The following FREM2 variants were observed in gnomAD, a reference collection of about 807,000 sequenced individuals.
FREM2 encodes FRAS1 related extracellular matrix 2.
FREM2 carries 119 observed loss-of-function variants against 219.9 expected under a neutral mutation model. The observed-to-expected ratio is 0.54, with a 90% CI of 0.47 to 0.63. The LOEUF (loss-of-function observed/expected upper bound fraction) is 0.63, where lower values mean the gene tolerates loss of function less well. Ranked by LOEUF, FREM2 falls within the 30% of genes least tolerant of loss-of-function variation. The probability of loss-of-function intolerance (pLI) is 0.00; values close to 1 mark genes in which losing one functional copy is unlikely to be tolerated. For missense variants in FREM2, 4,030 were observed against 3,993.6 expected (o/e 1.01, Z -0.25); for synonymous variants, 1,562 against 1,522.8 (o/e 1.03, Z -0.60).
intron 2 of FREM2, among the ~76,000 whole-genome samples, chr13:38,737,095 G>T (rs1024672564): frequency 2.0e-5 from 3 of 152,130 alleles, no homozygotes; most frequent in Admixed American, 6.5e-5. Flanking sequence ...AGAATCCTGT[G>T]AGTGTATCAT....
At position 38,696,175 on chromosome 13, in the gene FREM2, C is replaced by T. The variant is rs553902699; in HGVS notation, c.5174-1523C>T. Among the ~76,000 whole-genome samples the T allele has an allele frequency of 3.2e-3, 480 of 152,204 alleles. 2 individuals carry two copies. The highest frequency in any genetic ancestry group is 6.0e-3 in the Non-Finnish European group (405 of 68,010). On this transcript the variant is annotated intron_variant, in intron 1 of 23. Transcript: ENST00000280481. Reference sequence around the variant, plus strand: ...AATGAAGTGCTAAGGGAGAATCAAGCGACTTAGGCATGTTTTACCTCCAAA... The same window carrying T: ...AATGAAGTGCTAAGGGAGAATCAAGTGACTTAGGCATGTTTTACCTCCAAA...
intron 2 of FREM2, among the ~76,000 whole-genome samples, chr13:38,732,554 C>A (rs1200573531): frequency 6.6e-6 from 1 of 152,124 alleles, no homozygotes; most frequent in Non-Finnish European, 1.5e-5. Flanking sequence ...CAAGATGTAG[C>A]CCCTATGAAA....
intron 2 of FREM2, among the ~76,000 whole-genome samples, chr13:38,729,073 G>C (rs1477394479): frequency 6.6e-6 from 1 of 152,198 alleles, no homozygotes; most frequent in African/African-American, 2.4e-5. Flanking sequence ...GACCTCAGGT[G>C]ATCCGCCCAC....
At chr13:38,833,448 G>T (rs1876587802) in intron 6 of FREM2, among the ~76,000 whole-genome samples, 1 of 151,726 alleles carries the variant, frequency 6.6e-6, no homozygotes, top group Non-Finnish European at 1.5e-5. Context: ...TGCCCTTTTG[G>T]TGGCAACCCT....
chr13:38,690,027 ATAAAACAGGGCCGAGTTTCC>A lies in FREM2; in HGVS notation c.2686_2705del (p.Lys896CysfsTer3). 1 of 1,614,012 alleles carries A rather than the reference ATAAAACAGGGCCGAGTTTCC, an allele frequency of 6.2e-7. No individual in the cohort carries two copies. Among genetic ancestry groups the A allele is most frequent in the Non-Finnish European group, 8.5e-7 (1 of 1,180,032 alleles). On this transcript the variant is annotated frameshift_variant, in exon 1 of 24. Coordinates refer to ENST00000280481, the MANE Select transcript of FREM2 (RefSeq NM_207361.6). LOFTEE classifies it high-confidence loss of function. ...AGGGGGTCTCTTCCACTTGGAGGAC[ATAAAACAGGGCCGAGTTTCC>A]TATGCCCATAATGGGGACAAGTCCC...
At chr13:38,849,465 G>T (rs557158411) in intron 8 of FREM2, among the ~76,000 whole-genome samples, 1 of 152,244 alleles carries the variant, frequency 6.6e-6, no homozygotes, top group African/African-American at 2.4e-5. Context: ...CAAAAATGCT[G>T]TTCTGGGACA....
At chr13:38,829,641 T>C (rs889240769) in intron 6 of FREM2, among the ~76,000 whole-genome samples, 1 of 151,280 alleles carries the variant, frequency 6.6e-6, no homozygotes, top group African/African-American at 2.4e-5. Context: ...GTATTTATTA[T>C]ATCCTTTTTT....
chr13:38,885,446 A>G lies in FREM2; in HGVS notation c.*4659A>G, dbSNP rs1054753612. The G allele has an allele frequency of 6.6e-6, 1 of 152,274 alleles. No individual in the cohort carries two copies. Among genetic ancestry groups the G allele is most frequent in the African/African-American group, 2.4e-5 (1 of 41,570 alleles). The allele number at this position is 152,274 out of a possible 1,614,324, so 9.4% of individuals were successfully genotyped here. On this transcript the variant is annotated 3_prime_UTR_variant, in exon 24 of 24. Transcript: ENST00000280481. The stretch of plus-strand genomic sequence containing the variant: ...TTTTTCAATATTTTGTTTGCTAAAG[A>G]ACAATAACAACAACAAAGCTGGTCC...
At position 38,851,821 on chromosome 13, in the gene FREM2, A is replaced by G. The variant is rs1300959164; in HGVS notation, c.6878A>G (p.Lys2293Arg). ...GTTTCCATTGTGAGAGTCCACACCA[A>G]GGATGGCTCGGCCACCTCTGGAGAA... ...SKVSIVRVHT[K>R]DGSATSGEDY... Residue 2293 changes from lysine (K) to arginine (R), a missense_variant, in exon 11 of 24, where the codon AAG becomes AGG. Transcript: ENST00000280481. 9 of 1,613,912 alleles carry G rather than the reference A, an allele frequency of 5.6e-6. No homozygotes were observed. The highest frequency in any genetic ancestry group is 1.7e-5 in the Admixed American group (1 of 59,992).
At chr13:38,862,758 C>G (rs1877808358) in intron 15 of FREM2, among the ~76,000 whole-genome samples, 1 of 151,994 alleles carries the variant, frequency 6.6e-6, no homozygotes, top group South Asian at 2.1e-4. Flanking sequence ...TTCATATGGT[C>G]TGCAAGCTAG....
In FREM2 at chr13:38,881,187, TATTA is replaced by T. The variant is rs1878536900; in HGVS notation, c.*404_*407del. On this transcript the variant is annotated 3_prime_UTR_variant, in exon 24 of 24. Transcript: ENST00000280481. ...TTGAAGGTGCAATTATCACATTGTT[TATTA>T]ATTGTATAACAGATTATTACTAGAA... is the stretch of plus-strand genomic sequence containing the variant. 1.4e-5 allele frequency: 4 copies of T among 286,412 alleles called. No individual in the cohort carries two copies. The highest frequency in any genetic ancestry group is 2.7e-5 in the Non-Finnish European group (4 of 148,506). The allele number at this position is 286,412 out of a possible 1,614,324, so 17.7% of individuals were successfully genotyped here.
intron 2 of FREM2, among the ~76,000 whole-genome samples, chr13:38,718,211 G>A (rs559427951): frequency 2.0e-5 from 3 of 152,210 alleles, no homozygotes; most frequent in Admixed American, 2.0e-4. Flanking sequence ...TCCACTGTAT[G>A]ACTACCTTCT....
chr13:38,856,109 T>A lies in FREM2; in HGVS notation c.6926-17T>A. The A allele has an allele frequency of 6.3e-7, 1 of 1,585,530 alleles. No homozygotes were observed. On this transcript the variant is annotated splice_polypyrimidine_tract_variant and intron_variant, in intron 11 of 23. Transcript: ENST00000280481. ...TTCATATGCAAATGATTTAAATCTG[T>A]GATGTTACATTTGTAGAAATTGAGT... is the stretch of plus-strand genomic sequence containing the variant.
intron 6 of FREM2, among the ~76,000 whole-genome samples, chr13:38,834,394 C>T (rs1411291457): frequency 1.3e-5 from 2 of 152,108 alleles, no homozygotes; most frequent in African/African-American, 4.8e-5. Flanking sequence ...ATATGTGCCA[C>T]ATTTTCTTTA....
In FREM2 at chr13:38,880,654, G is replaced by A. The variant is rs1268585215; in HGVS notation, c.9377G>A (p.Cys3126Tyr). 3.7e-6 allele frequency: 6 copies of A among 1,614,038 alleles called. No homozygotes were observed. The highest frequency in any genetic ancestry group is 2.7e-5 in the African/African-American group (2 of 74,930). The change falls in exon 24 of 24, where the codon TGC becomes TAC. Residue 3126 changes from cysteine to tyrosine, a missense_variant. Transcript: ENST00000280481. ...ACCACGGTAGGGTTACTCACCATCTGCCTCACTGTCATTGCAGTGCTGATG... is the reference window on the plus strand; with the variant it reads ...ACCACGGTAGGGTTACTCACCATCTACCTCACTGTCATTGCAGTGCTGATG... ...GGTTVGLLTI[C>Y]LTVIAVLMCR...
intron 2 of FREM2, among the ~76,000 whole-genome samples, chr13:38,722,908 G>A (rs1037016988): frequency 6.6e-6 from 1 of 152,080 alleles, no homozygotes; most frequent in Non-Finnish European, 1.5e-5. Context: ...AGGTCAAAGT[G>A]TTGAATATTT....
At chr13:38,874,662 G>A (rs112530311) in intron 18 of FREM2, 76 bp downstream of exon 18, 90 of 1,141,452 alleles carry the variant, frequency 7.9e-5, no homozygotes, top group East Asian at 3.3e-4. Flanking sequence ...ACATTTCAGC[G>A]TGCTTCTCTG....
At chr13:38,791,656 A>G (rs970894618) in intron 6 of FREM2, among the ~76,000 whole-genome samples, 1 of 152,126 alleles carries the variant, frequency 6.6e-6, no homozygotes, top group Non-Finnish European at 1.5e-5. Context: ...ACTCACTATC[A>G]CAAGAACAGT....
At chr13:38,826,889 T>C (rs531030858) in intron 6 of FREM2, among the ~76,000 whole-genome samples, 3 of 152,268 alleles carry the variant, frequency 2.0e-5, no homozygotes, top group African/African-American at 4.8e-5. Context: ...TCTCATTTTA[T>C]TTCCCTCTTC....
Sources: allele counts gnomAD v4.1 joint callset (sites outside exome capture counted in the v4.1 genomes callset), GRCh38; gene constraint gnomAD v4.1.1; transcripts MANE v1.5; gene names NCBI Gene and HGNC (gene_info 2026-07-23, HGNC 2026-07-21).